Variants in NLRP1 observed in about 807,000 individuals in gnomAD.
NLRP1 encodes the protein NLR family pyrin domain containing 1, also known as NACHT, LRR and PYD domains-containing protein 1.
NLRP1 carries 94 observed loss-of-function variants against 136.7 expected under a neutral mutation model. The ratio of observed to expected loss-of-function variants is 0.69; its 90% CI spans 0.58 to 0.82. The LOEUF (loss-of-function observed/expected upper bound fraction) is 0.82, where lower values mean the gene tolerates loss of function less well. Among genes scored for constraint, NLRP1 ranks in the 40% least tolerant of loss-of-function variants. The pLI is 0.00. For missense variants in NLRP1, 1,575 were observed against 1,802.7 expected, an observed-to-expected ratio of 0.87 and a Z score of 2.29; for synonymous variants, 690 against 725.1, an observed-to-expected ratio of 0.95 and a Z score of 0.78.
chr17:5,542,041 A>G lies in NLRP1; in HGVS notation c.2529-14T>C, dbSNP rs777757603. On this transcript the variant is annotated splice_polypyrimidine_tract_variant and intron_variant, in intron 5 of 16. Coordinates refer to ENST00000572272, the MANE Select transcript of NLRP1 (RefSeq NM_033004.4). ...CAGCCAGCCAACCTGTGGAAGACAC[A>G]CACCCATGGTCTTCAGGTTACTCAC... The G allele has an allele frequency of 8.7e-6, 14 of 1,610,194 alleles. No homozygotes were observed. Among genetic ancestry groups the G allele is most frequent in the South Asian group, 6.6e-5 (6 of 90,616 alleles).
At chr17:5,546,522 C>T (rs1416070540) in intron 5 of NLRP1, among the ~76,000 whole-genome samples, 9 of 152,164 alleles carry the variant, frequency 5.9e-5, no homozygotes, top group Non-Finnish European at 8.8e-5. Flanking sequence ...ACCCCACTCC[C>T]GCCAATTTCT....
At chr17:5,506,305 T>C (rs902057818) in intron 15 of NLRP1, among the ~76,000 whole-genome samples, 2 of 147,574 alleles carry the variant, frequency 1.4e-5, no homozygotes, top group East Asian at 4.0e-4. Context: ...AAAAAAATCA[T>C]CAAACAGCCA....
At position 5,559,249 on chromosome 17, in the gene NLRP1, CA is replaced by C. The variant is rs752934629; in HGVS notation, c.1446del (p.Glu483SerfsTer48). The C allele has an allele frequency of 2.5e-6, 4 of 1,614,160 alleles. No homozygotes were observed. In the South Asian group the frequency reaches 4.4e-5, roughly 18 times the overall value. ...QARWVEVLGF[S>X]ESSRKEYFYR... is the part of the protein sequence containing the mutation. ...TAGAAATATTCCTTCCTGCTGGACT[CA>C]GAGAACCCCAGGACCTCTACCCAAC... On this transcript the variant is annotated frameshift_variant, in exon 4 of 17. Transcript: ENST00000572272. LOFTEE classifies it high-confidence loss of function.
In NLRP1 at chr17:5,517,869, G is replaced by T; in HGVS notation, c.3934C>A (p.Arg1312=). Residue 1312 remains arginine, a synonymous_variant, in exon 15 of 17, where the codon CGA becomes AGA. Transcript: ENST00000572272. ...AACAGCTGGTCTTCTCCAGGGCTTCGATAGCAGAGCTCCAGTTCCTGAAGA... is the reference window on the plus strand; with the variant it reads ...AACAGCTGGTCTTCTCCAGGGCTTCTATAGCAGAGCTCCAGTTCCTGAAGA... ...ILPKELELCY[R]SPGEDQLFSE... 1 of 1,614,076 alleles carries T rather than the reference G, an allele frequency of 6.2e-7. No homozygotes were observed. Among genetic ancestry groups the T allele is most frequent in the Non-Finnish European group, 8.5e-7 (1 of 1,180,010 alleles).
intron 2 of NLRP1, 31 bp from the exon 3 acceptor site, chr17:5,582,093 T>A (rs1327475898): frequency 6.6e-7 from 1 of 1,521,434 alleles, no homozygotes; most frequent in South Asian, 1.2e-5. Context: ...AATAACCATT[T>A]ACTGAACATT....
In NLRP1 at chr17:5,515,478, C is replaced by T. The variant is rs367981968; in HGVS notation, c.4097G>A (p.Arg1366His). The change falls in exon 16 of 17, where the codon CGC becomes CAC. Residue 1366 changes from arginine (R) to histidine (H), a missense_variant. Physicochemically the swap from Arg to His is conservative, Grantham distance 29 (BLOSUM62 0). Coordinates refer to ENST00000572272, the MANE Select transcript of NLRP1 (RefSeq NM_033004.4). ...MPATTLIPPA[R>H]IAVPSPLDAP... ...CTCTGAGAGCTGTTACTGACCTATG[C>T]GGGCTGGAGGGATCAGAGTAGTTGC... is the stretch of plus-strand genomic sequence containing the variant. 5.5e-5 allele frequency: 88 copies of T among 1,612,690 alleles called. No individual in the cohort carries two copies. The highest frequency in any genetic ancestry group is 4.5e-4 in the Admixed American group (27 of 59,972).
At chr17:5,535,569 A>G (rs1910940545) in intron 8 of NLRP1, among the ~76,000 whole-genome samples, 1 of 152,134 alleles carries the variant, frequency 6.6e-6, no homozygotes, top group Non-Finnish European at 1.5e-5. Context: ...TTGCGCAGAC[A>G]CTTCTGGGAT....
intron 3 of NLRP1, among the ~76,000 whole-genome samples, chr17:5,577,596 A>C (rs959572052): frequency 6.6e-6 from 1 of 152,248 alleles, no homozygotes; most frequent in Non-Finnish European, 1.5e-5. Context: ...ACCACTGCTC[A>C]ATGAAATAAA....
intron 3 of NLRP1, among the ~76,000 whole-genome samples, chr17:5,577,871 T>A (rs1170090690): frequency 6.6e-6 from 1 of 152,230 alleles, no homozygotes; most frequent in Non-Finnish European, 1.5e-5. Context: ...ACTACAAGGC[T>A]ACAGTAACCA....
At chr17:5,552,441 A>T (rs11078571) in intron 5 of NLRP1, among the ~76,000 whole-genome samples, 29,501 of 151,926 alleles carry the variant, frequency 0.19, 4,022 homozygotes, top group East Asian at 0.72. Context: ...CTTTATTTGA[A>T]ACCTATTTGG....
At chr17:5,550,633 GAACT>G (rs780706605) in intron 5 of NLRP1, among the ~76,000 whole-genome samples, 16 of 152,142 alleles carry the variant, frequency 1.1e-4, no homozygotes, top group Non-Finnish European at 1.9e-4. Flanking sequence ...TATTTTTAAA[GAACT>G]AACTTTTAGT....
At chr17:5,525,070 G>A (rs764204927) in intron 12 of NLRP1, among the ~76,000 whole-genome samples, 3 of 152,226 alleles carry the variant, frequency 2.0e-5, no homozygotes, top group Non-Finnish European at 2.9e-5. Context: ...AAGGTTGAGT[G>A]TTGACTGGAG....
intron 3 of NLRP1, among the ~76,000 whole-genome samples, chr17:5,576,096 T>A (rs1904989486): frequency 6.6e-6 from 1 of 152,172 alleles, no homozygotes; most frequent in African/African-American, 2.4e-5. Flanking sequence ...AGACACAACA[T>A]ACCAGAATCT....
downstream of NLRP1, chr17:5,512,392 C>T (rs1408009493): frequency 9.5e-7 from 1 of 1,057,578 alleles, no homozygotes; most frequent in East Asian, 2.3e-5. Context: ...GTAACATCTT[C>T]TAGTGCCCAT....
At chr17:5,564,710 C>CAGTGAG (rs139011008) in intron 3 of NLRP1, among the ~76,000 whole-genome samples, 3,274 of 147,726 alleles carry the variant, frequency 0.022, 143 homozygotes, top group African/African-American at 0.079. Flanking sequence ...GTATACCCTG[C>CAGTGAG]AGTGAGATTG....
intron 3 of NLRP1, among the ~76,000 whole-genome samples, chr17:5,569,643 G>A (rs115853245): frequency 0.015 from 2,246 of 152,218 alleles, 49 homozygotes; most frequent in African/African-American, 0.052. Context: ...AGAGACTGAT[G>A]AAGAGACTTA....
chr17:5,574,200 G>A (rs146805040), intron 3 of NLRP1, among the ~76,000 whole-genome samples: 1 of 152,096 alleles, frequency 6.6e-6, no homozygotes, highest in Non-Finnish European at 1.5e-5. Flanking sequence ...TGGAAGAAAG[G>A]GTATCAGTGA....
At chr17:5,543,561 CTGCAT>C (rs1387228162) in intron 5 of NLRP1, among the ~76,000 whole-genome samples, 1 of 151,990 alleles carries the variant, frequency 6.6e-6, no homozygotes, top group Non-Finnish European at 1.5e-5. Context: ...GATGTGGTCT[CTGCAT>C]TGCTTTAGAA....
intron 3 of NLRP1, among the ~76,000 whole-genome samples, chr17:5,564,312 T>G (rs1445770058): frequency 3.9e-5 from 6 of 152,232 alleles, no homozygotes; most frequent in Admixed American, 3.9e-4. Context: ...TCTATTTTTT[T>G]GTACCCACTA....
Sources: allele counts gnomAD v4.1 joint callset (sites outside exome capture counted in the v4.1 genomes callset), GRCh38; gene constraint gnomAD v4.1.1; transcripts MANE v1.5; gene names NCBI Gene and HGNC (gene_info 2026-07-23, HGNC 2026-07-21).